ST13: variants seen among roughly 807,000 people sequenced by gnomAD.
ST13 encodes the protein hsc70-interacting protein.
In ST13, 23 loss-of-function variants were observed where a neutral mutation model predicts 56.7. The observed-to-expected ratio is 0.41, with a 90% CI of 0.29 to 0.57. The LOEUF is 0.57. Among genes scored for constraint, ST13 ranks in the 20% least tolerant of loss-of-function variants. ST13 has a pLI of 0.36. For synonymous variants in ST13, 132 were observed against 142.4 expected (o/e 0.93, Z 0.52); for missense variants, 369 against 459.9 (o/e 0.80, Z 1.81).
intron 5 of ST13, among the ~76,000 whole-genome samples, chr22:40,839,489 G>A (rs1348685271): frequency 1.3e-5 from 2 of 152,202 alleles, no homozygotes; most frequent in Admixed American, 1.3e-4. Context: ...CATGGGCCGG[G>A]CGCAGTGGTT....
Position 40,827,220 on chromosome 22 carries a change from G to A in ST13, c.857C>T (p.Pro286Leu), listed in dbSNP as rs1379154446. ...AQYGSFPGGF[P>L]GGMPGNFPGG... ...GGGAAAATTACCAGGCATTCCCCCA[G>A]GAAAGCCACCTGTAATAAAAAATGA... Residue 286 changes from proline (P) to leucine (L), a missense_variant, in exon 11 of 12, where the codon CCT becomes CTT. Physicochemically the swap from Pro to Leu is moderately conservative, Grantham distance 98. Coordinates refer to ENST00000216218, the MANE Select transcript of ST13 (RefSeq NM_003932.5). The A allele has an allele frequency of 2.5e-6, 4 of 1,613,408 alleles. No homozygotes were observed. Among genetic ancestry groups the A allele is most frequent in the Non-Finnish European group, 3.4e-6 (4 of 1,179,914 alleles).
In ST13 at chr22:40,850,876, C is replaced by T. The variant is rs1415951756; in HGVS notation, c.115G>A (p.Gly39Ser). The T allele has an allele frequency of 3.8e-6, 6 of 1,592,890 alleles. No individual in the cohort carries two copies. Among genetic ancestry groups the T allele is most frequent in the East Asian group, 2.3e-5 (1 of 44,392 alleles). ...TGAGTAGCAGGTGGTACTTTACCAC[C>T]CATGCTTGAAGAAGATGAGAAAAAA... ...RFLREWVESM[G>S]GKVPPATQKA... The change falls in exon 2 of 12, where the codon GGT becomes AGT. Residue 39 changes from glycine (G) to serine (S), a missense_variant. Gly to Ser is a moderately conservative substitution (Grantham distance 56). This residue lies in a region of ST13 where 169 missense variants were observed against 175.6 expected (regional missense o/e 0.96). Transcript: ENST00000216218.
intron 10 of ST13, among the ~76,000 whole-genome samples, chr22:40,828,980 C>T (rs1750299953): frequency 6.6e-6 from 1 of 152,154 alleles, no homozygotes. Flanking sequence ...AGATATCTGA[C>T]AATAAGATTA....
chr22:40,827,260 T>A, intron 10 of ST13, 31 bp from the exon 11 acceptor site: 1 of 1,609,706 alleles, frequency 6.2e-7, no homozygotes, highest in Non-Finnish European at 8.5e-7. Flanking sequence ...ACACTAATCA[T>A]ACTCCCAAAT....
chr22:40,850,931 G>A lies in ST13; in HGVS notation c.111-51C>T, dbSNP rs776143248. On this transcript the variant is annotated intron_variant, in intron 1 of 11. Transcript: ENST00000216218. ...TTTGTTTAGAAAATTAAAATTCACTGTCACGCAACGTATTTACACCTAAAA... is the reference window on the plus strand; with the variant it reads ...TTTGTTTAGAAAATTAAAATTCACTATCACGCAACGTATTTACACCTAAAA... 13 of 1,372,656 alleles carry A rather than the reference G, an allele frequency of 9.5e-6. No homozygotes were observed. In the East Asian group the frequency reaches 3.0e-4, roughly 32 times the overall value. 85.0% of individuals were successfully genotyped at this position (1,372,656 alleles called of 1,614,324 possible).
intron 2 of ST13, among the ~76,000 whole-genome samples, chr22:40,848,951 C>T (rs1230809657): frequency 6.6e-6 from 1 of 152,112 alleles, no homozygotes; most frequent in Non-Finnish European, 1.5e-5. Context: ...TTTAAAAGTG[C>T]ACGACATATA....
chr22:40,855,042 T>TA (rs2057882231), intron 1 of ST13, among the ~76,000 whole-genome samples: 1 of 152,198 alleles, frequency 6.6e-6, no homozygotes, highest in Non-Finnish European at 1.5e-5. Context: ...AAAAACTTCT[T>TA]AGAGGAAAAA....
chr22:40,833,785 C>T (rs1015258274), intron 7 of ST13, among the ~76,000 whole-genome samples: 5 of 151,816 alleles, frequency 3.3e-5, no homozygotes, highest in South Asian at 4.2e-4. Flanking sequence ...GCAGGAGAAC[C>T]GCTTGAGCCC....
chr22:40,837,186 A>G (rs2057781561), intron 5 of ST13, among the ~76,000 whole-genome samples: 1 of 152,244 alleles, frequency 6.6e-6, no homozygotes, highest in Admixed American at 6.5e-5. Flanking sequence ...AAGGACTTGA[A>G]AAGAACTCAC....
chr22:40,850,883 T>C lies in ST13; in HGVS notation c.111-3A>G. ...CAGGTGGTACTTTACCACCCATGCT[T>C]GAAGAAGATGAGAAAAAAGATATTT... On this transcript the variant is annotated splice_region_variant and splice_polypyrimidine_tract_variant and intron_variant, in intron 1 of 11. Transcript: ENST00000216218. The C allele has an allele frequency of 6.3e-7, 1 of 1,588,352 alleles. No individual in the cohort carries two copies. The highest frequency in any genetic ancestry group is 8.5e-7 in the Non-Finnish European group (1 of 1,170,364).
At chr22:40,838,403 GAAAAC>G (rs1210892596) in intron 5 of ST13, among the ~76,000 whole-genome samples, 1 of 152,076 alleles carries the variant, frequency 6.6e-6, no homozygotes, top group African/African-American at 2.4e-5. Context: ...AAAAAAGTGA[GAAAAC>G]AAAAACATGA....
At chr22:40,845,805 CA>C (rs552928048) in intron 3 of ST13, among the ~76,000 whole-genome samples, 137 of 143,652 alleles carry the variant, frequency 9.5e-4, no homozygotes, top group South Asian at 5.2e-3. Flanking sequence ...TTTCCTTAGT[CA>C]AAAAAAAAAA....
At chr22:40,856,000 T>G (rs1463578991) in intron 1 of ST13, among the ~76,000 whole-genome samples, 5 of 152,146 alleles carry the variant, frequency 3.3e-5, no homozygotes, top group Admixed American at 6.5e-5. Flanking sequence ...ACTTTTAACT[T>G]ACTAGTGTTA....
intron 7 of ST13, 32 bp downstream of exon 7, chr22:40,835,528 A>T: frequency 6.5e-7 from 1 of 1,534,500 alleles, no homozygotes; most frequent in East Asian, 2.2e-5. Context: ...AAATGTAAAG[A>T]GTTCTGAAAA....
intron 4 of ST13, among the ~76,000 whole-genome samples, chr22:40,844,094 G>T (rs1269060386): frequency 6.6e-6 from 1 of 151,852 alleles, no homozygotes; most frequent in Non-Finnish European, 1.5e-5. Context: ...TGTTGGCCAG[G>T]CTGGTCTCAA....
At position 40,829,526 on chromosome 22, in the gene ST13, G is replaced by A. The variant is rs895511151; in HGVS notation, c.847+100C>T. ...TCTTCATGAATATCACTGTATAAGAGAACAAAATCAGAATATCACTTTATA... is the reference window on the plus strand; with the variant it reads ...TCTTCATGAATATCACTGTATAAGAAAACAAAATCAGAATATCACTTTATA... On this transcript the variant is annotated intron_variant, in intron 10 of 11. Coordinates refer to ENST00000216218, the MANE Select transcript of ST13 (RefSeq NM_003932.5). The A allele has an allele frequency of 1.1e-5, 6 of 546,368 alleles. No individual in the cohort carries two copies. In the East Asian group the frequency reaches 1.5e-4, roughly 13 times the overall value. 33.8% of individuals were successfully genotyped at this position (546,368 alleles called of 1,614,324 possible).
chr22:40,848,382 A>G lies in ST13; in HGVS notation c.169-13T>C, dbSNP rs1160264658. The G allele has an allele frequency of 5.8e-6, 9 of 1,552,562 alleles. No homozygotes were observed. The highest frequency in any genetic ancestry group is 8.0e-6 in the Non-Finnish European group (9 of 1,125,704). The stretch of plus-strand genomic sequence containing the variant: ...CAGGTTTTTCTTCCTAGCAAAGGGA[A>G]GACAAACAGTACTATCAGTATTTAA... On this transcript the variant is annotated splice_polypyrimidine_tract_variant and intron_variant, in intron 2 of 11. Transcript: ENST00000216218.
chr22:40,834,902 T>C (rs2057770320), intron 7 of ST13, among the ~76,000 whole-genome samples: 2 of 152,330 alleles, frequency 1.3e-5, no homozygotes, highest in Middle Eastern at 3.4e-3. Context: ...GCTAATACAG[T>C]TGTCCTAAAA....
At chr22:40,842,326 A>C (rs896500999) in intron 4 of ST13, among the ~76,000 whole-genome samples, 1 of 152,236 alleles carries the variant, frequency 6.6e-6, no homozygotes, top group African/African-American at 2.4e-5. Context: ...TCATAAAGTA[A>C]ACAAGGTACC....
Sources: allele counts gnomAD v4.1 joint callset (sites outside exome capture counted in the v4.1 genomes callset), GRCh38; gene constraint gnomAD v4.1.1; regional missense constraint gnomAD v4.1.1; transcripts MANE v1.5; gene names NCBI Gene and HGNC (gene_info 2026-07-23, HGNC 2026-07-21).